Variants in DNAAF4 observed in about 807,000 individuals in gnomAD.
The protein encoded by DNAAF4 is dynein assembly factor 4, axonemal.
DNAAF4 carries 43 observed loss-of-function variants against 51.8 expected under a neutral mutation model. The observed-to-expected ratio is 0.83, with a 90% CI of 0.65 to 1.07. DNAAF4 has a LOEUF of 1.07. Ranked by LOEUF, DNAAF4 falls within the 50% of genes least tolerant of loss-of-function variation. The probability of loss-of-function intolerance (pLI) is 0.00; values close to 1 mark genes in which losing one functional copy is unlikely to be tolerated. For missense variants in DNAAF4, 581 were observed against 493.0 expected (o/e 1.18, Z -1.69); for synonymous variants, 194 against 165.6 (o/e 1.17, Z -1.32).
intron 1 of DNAAF4, among the ~76,000 whole-genome samples, chr15:55,500,667 C>T (rs1007886978): frequency 6.6e-6 from 1 of 152,118 alleles, no homozygotes; most frequent in African/African-American, 2.4e-5. Context: ...TCCTACTAAA[C>T]TTTTAGACTC....
rs192920985 is a variant in DNAAF4 at position 55,473,295 on chromosome 15, G to A, written c.406-6134C>T. ...TGTGTATATATATGTGTATATATAT[G>A]TGTATATATATGTGTGTATATATGT... On this transcript the variant is annotated intron_variant, in intron 4 of 9. Transcript: ENST00000321149. Among the ~76,000 whole-genome samples, 166 of 128,922 alleles carry A rather than the reference G, an allele frequency of 1.3e-3. 7 individuals carry two copies. The highest frequency in any genetic ancestry group is 4.6e-3 in the African/African-American group (152 of 33,172). 84.6% of individuals were successfully genotyped at this position (128,922 alleles called of 152,430 possible).
intron 5 of DNAAF4, among the ~76,000 whole-genome samples, chr15:55,463,172 T>TCACA (rs3221985): frequency 0.17 from 23,433 of 140,006 alleles, 2,321 homozygotes; most frequent in Non-Finnish European, 0.24. Flanking sequence ...AGACTCTGTC[T>TCACA]CACACACACA....
chr15:55,485,117 T>G (rs2058468978), intron 4 of DNAAF4, among the ~76,000 whole-genome samples: 1 of 152,112 alleles, frequency 6.6e-6, no homozygotes, highest in African/African-American at 2.4e-5. Context: ...CAATAACACA[T>G]AAATGAATAA....
At chr15:55,454,835 G>C (rs947106827) in intron 5 of DNAAF4, among the ~76,000 whole-genome samples, 1 of 151,888 alleles carries the variant, frequency 6.6e-6, no homozygotes, top group Non-Finnish European at 1.5e-5. Context: ...AATATACCAA[G>C]GGAAAGAATT....
chr15:55,427,234 T>G (rs536003944), downstream of DNAAF4, among the ~76,000 whole-genome samples: 72 of 151,982 alleles, frequency 4.7e-4, 1 homozygote, highest in Non-Finnish European at 8.1e-4. Context: ...CCCGGCTGAT[T>G]TTTTTGTTTT....
At chr15:55,460,527 G>C (rs536122594) in intron 5 of DNAAF4, among the ~76,000 whole-genome samples, 1 of 152,196 alleles carries the variant, frequency 6.6e-6, no homozygotes, top group Admixed American at 6.5e-5. Context: ...TAAGAAATGA[G>C]ATAGCACCAC....
At chr15:55,478,470 A>G (rs942724025) in intron 4 of DNAAF4, among the ~76,000 whole-genome samples, 2 of 152,198 alleles carry the variant, frequency 1.3e-5, no homozygotes, top group African/African-American at 4.8e-5. Context: ...ACCTGCTAGC[A>G]TGGTATACTG....
chr15:55,420,282 AAC>A (rs2057377571), intron 7 of DNAAF4, among the ~76,000 whole-genome samples: 1 of 152,162 alleles, frequency 6.6e-6, no homozygotes, highest in African/African-American at 2.4e-5. Context: ...ATATATCTTC[AAC>A]ACAGTGTGAG....
At position 55,439,456 on chromosome 15, in the gene DNAAF4, A is replaced by G. The variant is rs2057671767; in HGVS notation, c.893+16T>C. 1 of 1,589,926 alleles carries G rather than the reference A, an allele frequency of 6.3e-7. No homozygotes were observed. The highest frequency in any genetic ancestry group is 1.3e-5 in the African/African-American group (1 of 74,424). ...CATACATGATAAAGCTCATGATCAG[A>G]GTTCAAACAACTTACTTTCCTTTAT... On this transcript the variant is annotated intron_variant, in intron 7 of 9. Transcript: ENST00000321149.
chr15:55,470,298 C>T (rs1395744509), intron 4 of DNAAF4, among the ~76,000 whole-genome samples: 3 of 152,062 alleles, frequency 2.0e-5, no homozygotes, highest in Non-Finnish European at 2.9e-5. Context: ...GTGATCCACC[C>T]GCCTAGGCCT....
chr15:55,475,417 C>T lies in DNAAF4; in HGVS notation c.406-8256G>A, dbSNP rs1202108964. ...TAAGTATGAAAGGTAAGAAGCTGTG[C>T]CCTTTGGCCTGAGGTTGCTCCTAAA... On this transcript the variant is annotated intron_variant, in intron 4 of 9. Transcript: ENST00000321149. 2.6e-5 allele frequency among the ~76,000 whole-genome samples: 4 copies of T among 152,284 alleles called. No individual in the cohort carries two copies. The East Asian group carries it at 5.8e-4, about 22-fold the overall frequency.
At chr15:55,458,765 G>T (rs1333533621) in intron 5 of DNAAF4, among the ~76,000 whole-genome samples, 1 of 152,108 alleles carries the variant, frequency 6.6e-6, no homozygotes, top group Non-Finnish European at 1.5e-5. Flanking sequence ...AAAGATGAAA[G>T]AAAGAATCTT....
chr15:55,490,809 C>A (rs934657887), intron 4 of DNAAF4, among the ~76,000 whole-genome samples: 1 of 152,090 alleles, frequency 6.6e-6, no homozygotes, highest in Non-Finnish European at 1.5e-5. Flanking sequence ...AAAAAATTAG[C>A]CTGGCATGGT....
At chr15:55,453,157 G>C (rs527264240) in intron 5 of DNAAF4, among the ~76,000 whole-genome samples, 1 of 152,142 alleles carries the variant, frequency 6.6e-6, no homozygotes, top group Non-Finnish European at 1.5e-5. Flanking sequence ...ATGCTTATAC[G>C]ATCTCTGCTC....
intron 1 of DNAAF4, among the ~76,000 whole-genome samples, chr15:55,501,047 T>C (rs997145873): frequency 2.0e-5 from 3 of 151,058 alleles, no homozygotes; most frequent in Non-Finnish European, 4.4e-5. Flanking sequence ...CTGTATGATA[T>C]TGGAGTAAGA....
chr15:55,429,093 G>A (rs187563741), downstream of DNAAF4, among the ~76,000 whole-genome samples: 11 of 151,820 alleles, frequency 7.2e-5, no homozygotes, highest in East Asian at 4.0e-4. Context: ...GTGGTGGCAC[G>A]CACCTGTAAT....
chr15:55,467,753 G>A (rs1595925295), intron 4 of DNAAF4, among the ~76,000 whole-genome samples: 1 of 95,306 alleles, frequency 1.0e-5, no homozygotes, highest in African/African-American at 2.8e-5. Context: ...TCTTAATCCT[G>A]CTGCAAAACC....
chr15:55,420,464 A>G (rs1203506211), intron 7 of DNAAF4, among the ~76,000 whole-genome samples: 1 of 152,096 alleles, frequency 6.6e-6, no homozygotes, highest in African/African-American at 2.4e-5. Context: ...AGTTCAGGAT[A>G]TTACCATCAA....
chr15:55,474,956 G>C lies in DNAAF4; in HGVS notation c.406-7795C>G, dbSNP rs183190312. ...ATCGCGCCACTGCACGCCAGCCTGG[G>C]ATACAGAGACAGACTTCGTCTCAAA... On this transcript the variant is annotated intron_variant, in intron 4 of 9. Transcript: ENST00000321149. Among the ~76,000 whole-genome samples, 125 of 152,278 alleles carry C rather than the reference G, an allele frequency of 8.2e-4. 3 individuals carry two copies. The highest frequency in any genetic ancestry group is 8.0e-3 in the Admixed American group (123 of 15,294).
Sources: allele counts gnomAD v4.1 joint callset (sites outside exome capture counted in the v4.1 genomes callset), GRCh38; gene constraint gnomAD v4.1.1; transcripts MANE v1.5; gene names NCBI Gene and HGNC (gene_info 2026-07-23, HGNC 2026-07-21).